Variants in PAK2 observed in about 807,000 individuals in gnomAD.
PAK2 encodes the protein p21 (RAC1) activated kinase 2.
PAK2 carries 21 observed loss-of-function variants against 65.9 expected under a neutral mutation model. That is an observed-to-expected ratio of 0.32 (90% confidence interval 0.23 to 0.46). The LOEUF is 0.46. PAK2 is among the 20% of genes least tolerant of loss of function. PAK2 has a pLI of 1.00. For missense variants in PAK2, 324 were observed against 642.6 expected, an observed-to-expected ratio of 0.50 and a Z score of 5.36; for synonymous variants, 204 against 219.7, an observed-to-expected ratio of 0.93 and a Z score of 0.63.
intron 2 of PAK2, among the ~76,000 whole-genome samples, chr3:196,796,864 T>C (rs1302659138): frequency 6.6e-6 from 1 of 152,182 alleles, no homozygotes; most frequent in East Asian, 1.9e-4. Context: ...TTCGTGATAA[T>C]AGGACCAGTT....
At chr3:196,748,292 CTG>C (rs1713458440) in intron 1 of PAK2, among the ~76,000 whole-genome samples, 2 of 152,318 alleles carry the variant, frequency 1.3e-5, no homozygotes, top group African/African-American at 4.8e-5. Context: ...TCCTGCATCA[CTG>C]TGGTATATTT....
chr3:196,817,361 G>GT (rs762014781), intron 11 of PAK2, among the ~76,000 whole-genome samples: 6 of 147,266 alleles, frequency 4.1e-5, no homozygotes, highest in Non-Finnish European at 7.5e-5. Context: ...GTCTTTTTTT[G>GT]TTTTTTCGAG....
intron 1 of PAK2, among the ~76,000 whole-genome samples, chr3:196,764,647 A>G (rs1158769702): frequency 6.6e-6 from 1 of 151,534 alleles, no homozygotes; most frequent in Non-Finnish European, 1.5e-5. Flanking sequence ...AAATACAGAT[A>G]GAAGTCAACT....
chr3:196,828,407 A>T lies in PAK2; in HGVS notation c.*2A>T. The T allele has an allele frequency of 6.5e-7, 1 of 1,527,904 alleles. No individual in the cohort carries two copies. Among genetic ancestry groups the T allele is most frequent in the South Asian group, 1.1e-5 (1 of 88,954 alleles). 94.6% of individuals were successfully genotyped at this position (1,527,904 alleles called of 1,614,324 possible). A position where few individuals can be genotyped will look rare whatever the true frequency, so the allele number is the denominator to read the frequency against. ...GAAGCAATGAAGAGTAACCGTTAAC[A>T]TCACTGCTGTGGCCTCATACTCTTT... On this transcript the variant is annotated 3_prime_UTR_variant, in exon 15 of 15. Transcript: ENST00000327134.
At chr3:196,793,235 CAG>C (rs1715134354) in intron 2 of PAK2, among the ~76,000 whole-genome samples, 1 of 152,180 alleles carries the variant, frequency 6.6e-6, no homozygotes, top group Non-Finnish European at 1.5e-5. Context: ...ATTTAAACCA[CAG>C]AAGCCTCTGT....
Position 196,782,718 on chromosome 3 carries a change from C to T in PAK2, c.72C>T (p.Ser24=). Reference sequence around the variant, plus strand: ...TGCGAATGAGCAGCACCATCTTTAGCACTGGAGGCAAAGACCCTTTGTCAG... The same window carrying T: ...TGCGAATGAGCAGCACCATCTTTAGTACTGGAGGCAAAGACCCTTTGTCAG... The part of the protein sequence containing the change: ...PPVRMSSTIF[S]TGGKDPLSAN... The change falls in exon 2 of 15, where the codon AGC becomes AGT. Residue 24 remains serine, a synonymous_variant. Coordinates refer to ENST00000327134, the MANE Select transcript of PAK2 (RefSeq NM_002577.4). 1 of 1,611,430 alleles carries T rather than the reference C, an allele frequency of 6.2e-7. No homozygotes were observed. Among genetic ancestry groups the T allele is most frequent in the Non-Finnish European group, 8.5e-7 (1 of 1,177,542 alleles).
At chr3:196,797,115 A>G (rs990201905) in intron 2 of PAK2, among the ~76,000 whole-genome samples, 1 of 152,198 alleles carries the variant, frequency 6.6e-6, no homozygotes, top group African/African-American at 2.4e-5. Flanking sequence ...ACTCCACACA[A>G]TAACAGTAGA....
At chr3:196,771,216 G>GAT (rs1463845067) in intron 1 of PAK2, among the ~76,000 whole-genome samples, 1 of 152,068 alleles carries the variant, frequency 6.6e-6, no homozygotes, top group African/African-American at 2.4e-5. Flanking sequence ...ACACACTGAT[G>GAT]ATACTCCACT....
chr3:196,818,205 T>C, intron 12 of PAK2, 49 bp downstream of exon 12: 1 of 764,826 alleles, frequency 1.3e-6, no homozygotes, highest in Non-Finnish European at 2.3e-6. Context: ...ATTTTCTGCC[T>C]TTTGTTTAAT....
At chr3:196,821,957 G>A (rs2108774081) in intron 13 of PAK2, among the ~76,000 whole-genome samples, 1 of 152,318 alleles carries the variant, frequency 6.6e-6, no homozygotes, top group East Asian at 1.9e-4. Context: ...TAGAAAGGAA[G>A]GAAGTGCCAA....
chr3:196,808,816 G>C (rs568335390), intron 7 of PAK2, among the ~76,000 whole-genome samples: 2 of 152,116 alleles, frequency 1.3e-5, no homozygotes, highest in African/African-American at 2.4e-5. Context: ...AGCCGAGATC[G>C]TGCCACTGCA....
chr3:196,825,311 A>G (rs1296564730), intron 13 of PAK2, among the ~76,000 whole-genome samples: 1 of 152,032 alleles, frequency 6.6e-6, no homozygotes, highest in East Asian at 1.9e-4. Flanking sequence ...ATGCCACTGC[A>G]TTCCAGCCTG....
intron 1 of PAK2, among the ~76,000 whole-genome samples, chr3:196,741,891 TC>T (rs1278296460): frequency 1.3e-5 from 2 of 152,294 alleles, no homozygotes; most frequent in East Asian, 3.9e-4. Flanking sequence ...AAGGAAGAGT[TC>T]CTGGGTATTT....
chr3:196,768,581 C>T (rs1303127854), intron 1 of PAK2, among the ~76,000 whole-genome samples: 2 of 151,950 alleles, frequency 1.3e-5, no homozygotes, highest in Non-Finnish European at 2.9e-5. Context: ...CCCCAACCTC[C>T]TGGGCTCAAG....
chr3:196,769,536 G>C (rs1237041403), intron 1 of PAK2, among the ~76,000 whole-genome samples: 2 of 151,868 alleles, frequency 1.3e-5, no homozygotes, highest in Admixed American at 6.6e-5. Flanking sequence ...TCCCGGCCAG[G>C]CGTGGTGGCT....
In PAK2 at chr3:196,782,665, C is replaced by A; in HGVS notation, c.19C>A (p.Leu7Met). 2.5e-6 allele frequency: 4 copies of A among 1,595,930 alleles called. No homozygotes were observed. The highest frequency in any genetic ancestry group is 3.4e-6 in the Non-Finnish European group (4 of 1,170,684). The part of the protein sequence containing the change: MSDNGE[L>M]EDKPPAPPVR... ...CTGAATCATGTCTGATAACGGAGAA[C>A]TGGAAGATAAGCCTCCAGCACCTCC... The change falls in exon 2 of 15, where the codon CTG becomes ATG. Residue 7 changes from leucine to methionine, a missense_variant. By Grantham distance (15) the Leu-to-Met change is conservative. This residue lies in a region of PAK2 where 42 missense variants were observed against 67.4 expected (regional missense o/e 0.62). Transcript: ENST00000327134.
At chr3:196,745,798 AAC>A (rs1460548213) in intron 1 of PAK2, among the ~76,000 whole-genome samples, 1 of 149,650 alleles carries the variant, frequency 6.7e-6, no homozygotes, top group Non-Finnish European at 1.5e-5. Flanking sequence ...TGGGCAACAG[AAC>A]GAGACTCCAT....
intron 7 of PAK2, among the ~76,000 whole-genome samples, chr3:196,808,557 C>CAATAAAAAAA (rs1715665091): frequency 1.8e-5 from 1 of 56,582 alleles, no homozygotes; most frequent in Non-Finnish European, 3.5e-5. Context: ...GACTCCATCT[C>CAATAAAAAAA]AAAAAAAAAA....
At chr3:196,821,394 CA>C (rs2108773662) in intron 13 of PAK2, among the ~76,000 whole-genome samples, 1 of 152,012 alleles carries the variant, frequency 6.6e-6, no homozygotes, top group Admixed American at 6.6e-5. Flanking sequence ...TGGCTGTACT[CA>C]AAAAGACAAT....
Sources: allele counts gnomAD v4.1 joint callset (sites outside exome capture counted in the v4.1 genomes callset), GRCh38; gene constraint gnomAD v4.1.1; regional missense constraint gnomAD v4.1.1; transcripts MANE v1.5; gene names NCBI Gene and HGNC (gene_info 2026-07-23, HGNC 2026-07-21).